DCAF6: variants seen among roughly 807,000 people sequenced by gnomAD.
DCAF6 encodes the protein DDB1- and CUL4-associated factor 6.
In DCAF6, 54 loss-of-function variants were observed where a neutral mutation model predicts 125.1. The observed-to-expected ratio is 0.43, with a 90% CI of 0.35 to 0.54. The LOEUF (loss-of-function observed/expected upper bound fraction) is 0.54. Ranked by LOEUF, DCAF6 falls within the 20% of genes least tolerant of loss-of-function variation. The pLI, the probability that DCAF6 is intolerant of heterozygous loss-of-function variation, is 0.01. For missense variants in DCAF6, 934 were observed against 1,161.7 expected, an observed-to-expected ratio of 0.80 and a Z score of 2.85; for synonymous variants, 371 against 390.4, an observed-to-expected ratio of 0.95 and a Z score of 0.58.
At chr1:167,881,056 A>AAATG in the DCAF6 span, among the ~76,000 whole-genome samples, 1 of 152,242 alleles carries the variant, frequency 6.6e-6, no homozygotes, top group Non-Finnish European at 1.5e-5. Context: ...ATCTCTCTGA[A>AAATG]AATGGATATA....
chr1:167,918,385 A>C, the DCAF6 span: 1 of 1,380,776 alleles, frequency 7.2e-7, no homozygotes, highest in Non-Finnish European at 1.0e-6. Flanking sequence ...AAAGAAAAAT[A>C]ATCATCAATA....
chr1:167,904,839 TTTC>T, the DCAF6 span: 1 of 963,662 alleles, frequency 1.0e-6, no homozygotes. Context: ...CCACAAGCTA[TTTC>T]CTCCCTCTTG....
chr1:167,949,575 C>G (rs999666919), intron 1 of DCAF6, among the ~76,000 whole-genome samples: 7 of 152,196 alleles, frequency 4.6e-5, no homozygotes, highest in African/African-American at 1.7e-4. Flanking sequence ...CAGGCATCTT[C>G]AAGTTTCCCT....
At chr1:167,916,139 G>C in the DCAF6 span, among the ~76,000 whole-genome samples, 12 of 152,224 alleles carry the variant, frequency 7.9e-5, no homozygotes, top group Admixed American at 7.9e-4. Flanking sequence ...CTAAGTCTTT[G>C]AGAATAGTTG....
the DCAF6 span, chr1:167,878,625 T>C: frequency 6.8e-6 from 11 of 1,613,938 alleles, no homozygotes; most frequent in Non-Finnish European, 7.6e-6. Flanking sequence ...AGTTGACTTT[T>C]TGACCAATGA....
At chr1:168,032,160 T>A (rs1166222354) in intron 12 of DCAF6, among the ~76,000 whole-genome samples, 2 of 152,238 alleles carry the variant, frequency 1.3e-5, no homozygotes, top group South Asian at 2.1e-4. Flanking sequence ...GAGAATGGAC[T>A]TCCTAATAAA....
At chr1:167,951,245 G>C (rs1463888470) in intron 1 of DCAF6, among the ~76,000 whole-genome samples, 1 of 152,078 alleles carries the variant, frequency 6.6e-6, no homozygotes, top group Non-Finnish European at 1.5e-5. Flanking sequence ...AGTGTTTATT[G>C]TGGTCCAGAT....
At position 167,945,957 on chromosome 1, in the gene DCAF6, T is replaced by A. The variant is rs1424012826; in HGVS notation, c.98-5843T>A. On this transcript the variant is annotated intron_variant, in intron 1 of 21. Transcript: ENST00000367840. ...GAATTCATTTACCAAATCTAAGGGT[T>A]TTTTTTTTTTTTTTTTTGAGACAGA... Among the ~76,000 whole-genome samples, 3 of 135,142 alleles carry A rather than the reference T, an allele frequency of 2.2e-5. No individual in the cohort carries two copies. The East Asian group carries it at 5.9e-4, about 27-fold the overall frequency. 88.7% of individuals were successfully genotyped at this position (135,142 alleles called of 152,430 possible). A position where few individuals can be genotyped will look rare whatever the true frequency, so the allele number is the denominator to read the frequency against.
intron 17 of DCAF6, 104 bp from the exon 18 acceptor site, chr1:168,063,517 T>C: frequency 1.0e-6 from 1 of 975,178 alleles, no homozygotes; most frequent in African/African-American, 1.7e-5. Context: ...ATTGAGATAG[T>C]GTGTTTATGT....
intron 3 of DCAF6, among the ~76,000 whole-genome samples, chr1:167,972,855 C>T (rs1677545700): frequency 6.6e-6 from 1 of 152,158 alleles, no homozygotes; most frequent in Non-Finnish European, 1.5e-5. Context: ...ATTTTTTACT[C>T]ACTAAATTTT....
chr1:168,047,166 A>G (rs1189995356), intron 16 of DCAF6, among the ~76,000 whole-genome samples: 1 of 152,140 alleles, frequency 6.6e-6, no homozygotes, highest in East Asian at 1.9e-4. Context: ...TAGAGAATAC[A>G]GAAACTGTAA....
intron 17 of DCAF6, among the ~76,000 whole-genome samples, chr1:168,060,011 T>C (rs1188163744): frequency 1.3e-5 from 2 of 152,178 alleles, no homozygotes; most frequent in African/African-American, 4.8e-5. Context: ...TTTGCATATA[T>C]TTTTTATAAC....
intron 2 of DCAF6, among the ~76,000 whole-genome samples, chr1:167,952,801 A>G (rs574086422): frequency 6.6e-6 from 1 of 152,270 alleles, no homozygotes; most frequent in African/African-American, 2.4e-5. Context: ...TAACATGTCC[A>G]GTTGCATGTC....
upstream of DCAF6, among the ~76,000 whole-genome samples, chr1:167,935,261 G>A (rs1478812898): frequency 6.6e-6 from 1 of 152,200 alleles, no homozygotes; most frequent in African/African-American, 2.4e-5. Flanking sequence ...TGCAGTTTGG[G>A]GGAGGGCTCA....
intron 1 of DCAF6, among the ~76,000 whole-genome samples, chr1:167,939,261 CT>C (rs887171301): frequency 1.3e-5 from 2 of 151,926 alleles, no homozygotes; most frequent in Non-Finnish European, 2.9e-5. Flanking sequence ...TAAAAAATGA[CT>C]TTCCCTCCCA....
intron 1 of DCAF6, among the ~76,000 whole-genome samples, chr1:167,950,935 A>T (rs1353664255): frequency 1.3e-5 from 2 of 152,164 alleles, no homozygotes; most frequent in East Asian, 3.8e-4. Flanking sequence ...GTTAACTTTA[A>T]CGTTTCTGAA....
chr1:167,963,949 C>A (rs1434744861), intron 2 of DCAF6, among the ~76,000 whole-genome samples: 1 of 152,098 alleles, frequency 6.6e-6, no homozygotes, highest in East Asian at 1.9e-4. Context: ...ATACCTTGTA[C>A]TATTTCTGTT....
At chr1:167,884,542 C>A in the DCAF6 span, among the ~76,000 whole-genome samples, 1 of 152,154 alleles carries the variant, frequency 6.6e-6, no homozygotes, top group African/African-American at 2.4e-5. Context: ...ACTATAGTTA[C>A]CCTGTTGTAC....
chr1:167,900,329 A>C, the DCAF6 span, among the ~76,000 whole-genome samples: 1 of 152,082 alleles, frequency 6.6e-6, no homozygotes, highest in African/African-American at 2.4e-5. Flanking sequence ...TTTGTTTTCT[A>C]TCTGAAACAC....
Sources: allele counts gnomAD v4.1 joint callset (sites outside exome capture counted in the v4.1 genomes callset), GRCh38; gene constraint gnomAD v4.1.1; transcripts MANE v1.5; gene names NCBI Gene and HGNC (gene_info 2026-07-23, HGNC 2026-07-21).